RFX3: variants seen among roughly 807,000 people sequenced by gnomAD.
RFX3 encodes the protein transcription factor RFX3.
Under a neutral mutation model 98.6 loss-of-function variants are expected in RFX3, and 14 were observed. That is an observed-to-expected ratio of 0.14 (90% CI 0.09 to 0.22). RFX3 has a LOEUF of 0.22. Ranked by LOEUF, RFX3 falls within the 10% of genes least tolerant of loss-of-function variation. The pLI is 1.00. For missense variants in RFX3, 639 were observed against 926.9 expected (o/e 0.69, Z 4.03); for synonymous variants, 383 against 328.4 (o/e 1.17, Z -1.80).
intron 1 of RFX3, among the ~76,000 whole-genome samples, chr9:3,500,671 T>C (rs961066795): frequency 2.0e-5 from 3 of 152,154 alleles, no homozygotes; most frequent in African/African-American, 7.2e-5. Flanking sequence ...TAAAAGTAAT[T>C]AAAATTGATA....
intron 11 of RFX3, among the ~76,000 whole-genome samples, chr9:3,269,763 T>C (rs918530373): frequency 6.6e-6 from 1 of 152,160 alleles, no homozygotes. Context: ...CAGTTAACCA[T>C]TACTGCTAAT....
chr9:3,352,421 T>A (rs1219180671), intron 2 of RFX3, among the ~76,000 whole-genome samples: 1 of 152,034 alleles, frequency 6.6e-6, no homozygotes, highest in African/African-American at 2.4e-5. Flanking sequence ...TGCATATTTA[T>A]ATTGCTCTTA....
intron 9 of RFX3, among the ~76,000 whole-genome samples, chr9:3,273,295 A>G (rs945962262): frequency 1.3e-5 from 2 of 152,166 alleles, no homozygotes; most frequent in African/African-American, 4.8e-5. Context: ...GCTCAGCCCT[A>G]TGAGAGAGAT....
chr9:3,463,305 G>A (rs927284291), intron 1 of RFX3, among the ~76,000 whole-genome samples: 1 of 151,950 alleles, frequency 6.6e-6, no homozygotes, highest in African/African-American at 2.4e-5. Context: ...AATGGAACTG[G>A]AACAATCACA....
chr9:3,466,380 C>G (rs1330764537), intron 1 of RFX3, among the ~76,000 whole-genome samples: 1 of 151,826 alleles, frequency 6.6e-6, no homozygotes, highest in Non-Finnish European at 1.5e-5. Context: ...TTTTCTCAAG[C>G]AAATAATAAA....
At chr9:3,231,176 T>C (rs1360137533) in intron 15 of RFX3, among the ~76,000 whole-genome samples, 1 of 152,176 alleles carries the variant, frequency 6.6e-6, no homozygotes, top group African/African-American at 2.4e-5. Flanking sequence ...CCTCTAGGTG[T>C]CTCTGGGATC....
intron 1 of RFX3, among the ~76,000 whole-genome samples, chr9:3,489,745 G>C (rs542920945): frequency 6.6e-6 from 1 of 152,110 alleles, no homozygotes; most frequent in Non-Finnish European, 1.5e-5. Flanking sequence ...TCACATATGG[G>C]TATCAAAGGA....
At chr9:3,265,683 T>C (rs531579424) in intron 12 of RFX3, among the ~76,000 whole-genome samples, 1 of 152,288 alleles carries the variant, frequency 6.6e-6, no homozygotes, top group African/African-American at 2.4e-5. Context: ...GATATATTGA[T>C]TAATTATGAG....
intron 1 of RFX3, among the ~76,000 whole-genome samples, chr9:3,469,838 T>C (rs192410888): frequency 0.015 from 2,212 of 146,830 alleles, 70 homozygotes; most frequent in African/African-American, 0.053. Context: ...AGAGCGTGAC[T>C]CCGTCTCAAA....
intron 3 of RFX3, among the ~76,000 whole-genome samples, chr9:3,346,388 G>A (rs1027915008): frequency 1.3e-4 from 20 of 152,026 alleles, no homozygotes; most frequent in Non-Finnish European, 2.8e-4. Flanking sequence ...TCACTAACAA[G>A]GGGTATATAC....
At chr9:3,506,657 A>C (rs931394802) in intron 1 of RFX3, among the ~76,000 whole-genome samples, 2 of 151,882 alleles carry the variant, frequency 1.3e-5, no homozygotes, top group Admixed American at 6.6e-5. Flanking sequence ...CAAGTCTGGA[A>C]TTATATCTAT....
intron 1 of RFX3, among the ~76,000 whole-genome samples, chr9:3,493,586 T>A (rs10119475): frequency 0.2 from 29,085 of 148,428 alleles, 4,993 homozygotes; most frequent in East Asian, 0.58. Flanking sequence ...CAGGAGGCTG[T>A]GGCAGGAGAA....
Position 3,367,225 on chromosome 9 carries a change from C to G in RFX3, c.118-20461G>C, listed in dbSNP as rs115658236. ...TGCTTCTCTGGCTGGTGGCAGCAGTCAGAGTCAATACATAAGGCCGTATTG... is the reference window on the plus strand; with the variant it reads ...TGCTTCTCTGGCTGGTGGCAGCAGTGAGAGTCAATACATAAGGCCGTATTG... On this transcript the variant is annotated intron_variant, in intron 2 of 16. Transcript: ENST00000617270. 1.8e-3 allele frequency among the ~76,000 whole-genome samples: 278 copies of G among 152,246 alleles called. 2 individuals carry two copies. Among genetic ancestry groups the G allele is most frequent in the African/African-American group, 6.5e-3 (270 of 41,538 alleles).
rs201889839 is a variant in RFX3 at position 3,454,740 on chromosome 9, T to G, written c.-8-59144A>C. 3.3e-5 allele frequency among the ~76,000 whole-genome samples: 5 copies of G among 152,342 alleles called. No homozygotes were observed. The East Asian group carries it at 9.6e-4, about 29-fold the overall frequency. On this transcript the variant is annotated intron_variant, in intron 1 of 16. Coordinates refer to ENST00000617270, the MANE Select transcript of RFX3 (RefSeq NM_001282116.2). The stretch of plus-strand genomic sequence containing the variant: ...ATAATGGCTATTATTGACTATTTTT[T>G]TCCCCACAAATCTTTCATTTTATAT...
At chr9:3,458,115 T>C (rs778440268) in intron 1 of RFX3, among the ~76,000 whole-genome samples, 1 of 152,172 alleles carries the variant, frequency 6.6e-6, no homozygotes, top group Non-Finnish European at 1.5e-5. Context: ...ACTGTTTTCA[T>C]GCAGGAATGA....
chr9:3,466,531 T>C (rs994481714), intron 1 of RFX3, among the ~76,000 whole-genome samples: 8 of 152,196 alleles, frequency 5.3e-5, no homozygotes, highest in African/African-American at 1.9e-4. Context: ...AAAGTAATTG[T>C]GGCTTTTGCC....
intron 2 of RFX3, among the ~76,000 whole-genome samples, chr9:3,353,791 C>A (rs1186852579): frequency 2.0e-5 from 3 of 151,830 alleles, no homozygotes; most frequent in African/African-American, 7.3e-5. Context: ...TAATAAATAA[C>A]AAAATTAGAC....
chr9:3,495,666 T>C (rs1445017100), intron 1 of RFX3, among the ~76,000 whole-genome samples: 1 of 152,062 alleles, frequency 6.6e-6, no homozygotes, highest in Non-Finnish European at 1.5e-5. Context: ...TCTAAAAGTA[T>C]CACTTTAGCC....
At chr9:3,495,362 G>C (rs1851031958) in intron 1 of RFX3, among the ~76,000 whole-genome samples, 1 of 151,866 alleles carries the variant, frequency 6.6e-6, no homozygotes, top group Non-Finnish European at 1.5e-5. Context: ...CCATCCATAA[G>C]TCAGACATTG....
Sources: gnomAD v4.1 joint callset for allele counts (sites outside exome capture counted in the v4.1 genomes callset) on GRCh38, gnomAD v4.1.1 for gene constraint, MANE v1.5 for transcripts, NCBI Gene and HGNC (gene_info 2026-07-23, HGNC 2026-07-21) for gene names.